FCN1: variants seen among roughly 807,000 people sequenced by gnomAD.
FCN1 encodes the protein ficolin 1.
In FCN1, 42 loss-of-function variants were observed where a neutral mutation model predicts 35.6. The observed-to-expected ratio is 1.18, with a 90% CI of 0.92 to 1.53. The LOEUF (loss-of-function observed/expected upper bound fraction) is 1.53, where lower values mean the gene tolerates loss of function less well. FCN1 is among the 40% of genes most tolerant of loss of function. FCN1 has a pLI of 0.00. For synonymous variants in FCN1, 179 were observed against 169.8 expected (o/e 1.05, Z -0.42); for missense variants, 439 against 428.4 (o/e 1.02, Z -0.22).
Position 134,912,185 on chromosome 9 carries a change from T to C in FCN1, c.598+301A>G, listed in dbSNP as rs766323918. The stretch of plus-strand genomic sequence containing the variant: ...TCAGAGGCAGATCAACAGCTGGAGA[T>C]GGGGGAAGGCTACCCCAAGCCCCAG... On this transcript the variant is annotated intron_variant, in intron 7 of 8. Transcript: ENST00000371806. 1.6e-4 allele frequency among the ~76,000 whole-genome samples: 25 copies of C among 152,140 alleles called. 1 individual carries two copies. The highest frequency in any genetic ancestry group is 6.8e-3 in the Middle Eastern group (2 of 294).
Position 134,909,573 on chromosome 9 carries a change from A to T in FCN1, c.*225T>A. The T allele has an allele frequency of 2.0e-6, 3 of 1,465,396 alleles. No individual in the cohort carries two copies. The highest frequency in any genetic ancestry group is 2.7e-6 in the Non-Finnish European group (3 of 1,101,392). The allele number at this position is 1,465,396 out of a possible 1,614,324, so 90.8% of individuals were successfully genotyped here. A position where few individuals can be genotyped will look rare whatever the true frequency, so the allele number is the denominator to read the frequency against. ...ACTGGTGTTCAAGAAACACACATTG[A>T]AACTGGTAAAACTTTTCTGTCCCAA... On this transcript the variant is annotated 3_prime_UTR_variant, in exon 9 of 9. Coordinates refer to ENST00000371806, the MANE Select transcript of FCN1 (RefSeq NM_002003.5).
At chr9:134,916,555 C>A in intron 1 of FCN1, 94 bp from the exon 2 acceptor site, 1 of 1,254,884 alleles carries the variant, frequency 8.0e-7, no homozygotes, top group Non-Finnish European at 1.2e-6. Flanking sequence ...TCTGTCCTCA[C>A]CCCTCAGGCA....
chr9:134,914,957 T>C (rs577172004), intron 2 of FCN1, 148 bp from the exon 3 acceptor site: 2 of 650,002 alleles, frequency 3.1e-6, no homozygotes, highest in African/African-American at 1.8e-5. Flanking sequence ...TTGCTAGCCA[T>C]GGATTTAGCC....
chr9:134,911,153 G>C lies in FCN1; in HGVS notation c.713C>G (p.Ala238Gly), dbSNP rs1564218226. The C allele has an allele frequency of 1.2e-6, 2 of 1,614,082 alleles. No homozygotes were observed. The highest frequency in any genetic ancestry group is 1.7e-6 in the Non-Finnish European group (2 of 1,180,004). The change falls in exon 8 of 9, where the codon GCC becomes GGC. Residue 238 changes from alanine to glycine, a missense_variant. Ala to Gly is a moderately conservative substitution (Grantham distance 60). Coordinates refer to ENST00000371806, the MANE Select transcript of FCN1 (RefSeq NM_002003.5). ...CTCACCCGCACTGCCCCCGACAAAGGCTCCCAGTACCAGCTTGTACTTCTC... is the reference window on the plus strand; with the variant it reads ...CTCACCCGCACTGCCCCCGACAAAGCCTCCCAGTACCAGCTTGTACTTCTC... Reference protein sequence around the residue: ...EAEKYKLVLGAFVGGSAGNSL... With the variant: ...EAEKYKLVLGGFVGGSAGNSL...
chr9:134,913,853 C>T (rs1476036984), intron 4 of FCN1, among the ~76,000 whole-genome samples: 2 of 152,208 alleles, frequency 1.3e-5, no homozygotes, highest in Non-Finnish European at 2.9e-5. Context: ...CTGTGGCAGG[C>T]GCTGCGGGTC....
In FCN1 at chr9:134,909,456, C is replaced by T. The variant is rs1212585526; in HGVS notation, c.*342G>A. ...CAACCTCCCTGAACATCGGTAGTGC[C>T]ATCTGCTAAATAAGGGTCCTGACTC... is the stretch of plus-strand genomic sequence containing the variant. On this transcript the variant is annotated 3_prime_UTR_variant, in exon 9 of 9. Coordinates refer to ENST00000371806, the MANE Select transcript of FCN1 (RefSeq NM_002003.5). The T allele has an allele frequency of 7.7e-7, 1 of 1,299,018 alleles. No individual in the cohort carries two copies. Among genetic ancestry groups the T allele is most frequent in the East Asian group, 5.3e-5 (1 of 18,988 alleles). The allele number at this position is 1,299,018 out of a possible 1,614,324, so 80.5% of individuals were successfully genotyped here.
chr9:134,916,648 C>T (rs1229936298), intron 1 of FCN1, among the ~76,000 whole-genome samples, 187 bp from the exon 2 acceptor site: 1 of 152,238 alleles, frequency 6.6e-6, no homozygotes, highest in African/African-American at 2.4e-5. Flanking sequence ...CTCCTCAGTG[C>T]TGTGTGTCCT....
chr9:134,904,073 G>A lies in FCN1; in HGVS notation c.*5725C>T, dbSNP rs546511054. On this transcript the variant is annotated 3_prime_UTR_variant, in exon 9 of 9. Transcript: ENST00000371806. ...TGGTGTAACTGAAATATCTGAAAGA[G>A]AAGAGGGAGTAGAGTAATAGCAATA... Among the ~76,000 whole-genome samples the A allele has an allele frequency of 1.6e-4, 24 of 152,306 alleles. No homozygotes were observed. The South Asian group carries it at 5.0e-3, about 32-fold the overall frequency.
rs1830945746 is a variant in FCN1 at position 134,905,870 on chromosome 9, TTC to T, written c.*3926_*3927del. On this transcript the variant is annotated 3_prime_UTR_variant, in exon 9 of 9. Coordinates refer to ENST00000371806, the MANE Select transcript of FCN1 (RefSeq NM_002003.5). Reference sequence around the variant, plus strand: ...CCTCTTCCTCTTCCTCTTCCTCTTCTTCTTCTTCTTCTTCTTCTTCTTCTTCT... The same window carrying T: ...CCTCTTCCTCTTCCTCTTCCTCTTCTTTCTTCTTCTTCTTCTTCTTCTTCT... 1 of 34,600 alleles carries T rather than the reference TTC, an allele frequency of 2.9e-5. No individual in the cohort carries two copies. The highest frequency in any genetic ancestry group is 6.5e-4 in the East Asian group (1 of 1,548). The allele number at this position is 34,600 out of a possible 1,614,324, so 2.1% of individuals were successfully genotyped here.
At chr9:134,912,726 G>T (rs773259854) in intron 6 of FCN1, 111 bp from the exon 7 acceptor site, 1 of 1,417,734 alleles carries the variant, frequency 7.1e-7, no homozygotes, top group East Asian at 2.3e-5. Context: ...ATCACAGGCC[G>T]GTGCCACACG....
At chr9:134,913,486 G>C (rs911150046) in intron 5 of FCN1, 95 bp downstream of exon 5, 10 of 973,920 alleles carry the variant, frequency 1.0e-5, no homozygotes, top group Non-Finnish European at 1.6e-5. Flanking sequence ...GTGCAGACAG[G>C]GTTCTGTCCT....
At position 134,905,632 on chromosome 9, in the gene FCN1, C is replaced by G. The variant is rs1303916950; in HGVS notation, c.*4166G>C. 6.6e-6 allele frequency among the ~76,000 whole-genome samples: 1 copy of G among 151,762 alleles called. No individual in the cohort carries two copies. Among genetic ancestry groups the G allele is most frequent in the Non-Finnish European group, 1.5e-5 (1 of 67,976 alleles). ...TCGAGTAGCTGGGACGATAGGCATC[C>G]CCCACCATGAACGGCTAATTTTTTT... is the stretch of plus-strand genomic sequence containing the variant. On this transcript the variant is annotated 3_prime_UTR_variant, in exon 9 of 9. Coordinates refer to ENST00000371806, the MANE Select transcript of FCN1 (RefSeq NM_002003.5).
chr9:134,916,323 G>T, intron 2 of FCN1, 25 bp downstream of exon 2: 1 of 1,561,168 alleles, frequency 6.4e-7, no homozygotes, highest in African/African-American at 1.4e-5. Context: ...GCCATGCCTG[G>T]CCTCCCCACC....
chr9:134,911,962 C>G (rs185090313), intron 7 of FCN1, among the ~76,000 whole-genome samples: 1 of 152,192 alleles, frequency 6.6e-6, no homozygotes, highest in Non-Finnish European at 1.5e-5. Flanking sequence ...TTCCTTCAAT[C>G]ATGCCACAGG....
chr9:134,915,107 C>T (rs1037762619), intron 2 of FCN1, among the ~76,000 whole-genome samples: 2 of 152,264 alleles, frequency 1.3e-5, no homozygotes, highest in African/African-American at 4.8e-5. Flanking sequence ...TAAGCCTGGA[C>T]CCAAGTCACC....
At chr9:134,911,614 A>T (rs1418435972) in intron 7 of FCN1, among the ~76,000 whole-genome samples, 1 of 151,548 alleles carries the variant, frequency 6.6e-6, no homozygotes, top group Non-Finnish European at 1.5e-5. Context: ...AGCCTCCCAA[A>T]ATGCTGGGAT....
Position 134,904,816 on chromosome 9 carries a change from TTGTC to T in FCN1, c.*4978_*4981del, listed in dbSNP as rs1197310381. 3.3e-5 allele frequency among the ~76,000 whole-genome samples: 5 copies of T among 151,268 alleles called. No individual in the cohort carries two copies. The highest frequency in any genetic ancestry group is 7.4e-5 in the Non-Finnish European group (5 of 67,824). On this transcript the variant is annotated 3_prime_UTR_variant, in exon 9 of 9. Transcript: ENST00000371806. Reference sequence around the variant, plus strand: ...ATAAAAAATATATATGAAAGGGAGTTTGTCAGGCAGCAAGAAGATGATCTCACAC... The same window carrying T: ...ATAAAAAATATATATGAAAGGGAGTTAGGCAGCAAGAAGATGATCTCACAC...
In FCN1 at chr9:134,909,403, G is replaced by T; in HGVS notation, c.*395C>A. ...GAGGATCGCCCTGTGTCAATTACTG[G>T]AGGTGGAAAATCCTCGCAAAAGTCA... On this transcript the variant is annotated 3_prime_UTR_variant, in exon 9 of 9. Coordinates refer to ENST00000371806, the MANE Select transcript of FCN1 (RefSeq NM_002003.5). The T allele has an allele frequency of 7.7e-7, 1 of 1,290,702 alleles. No homozygotes were observed. Among genetic ancestry groups the T allele is most frequent in the Non-Finnish European group, 1.0e-6 (1 of 989,326 alleles). 80.0% of individuals were successfully genotyped at this position (1,290,702 alleles called of 1,614,324 possible). A position where few individuals can be genotyped will look rare whatever the true frequency, so the allele number is the denominator to read the frequency against.
At chr9:134,912,992 G>A (rs776975763) in intron 6 of FCN1, 24 bp downstream of exon 6, 51 of 1,604,390 alleles carry the variant, frequency 3.2e-5, no homozygotes, top group Middle Eastern at 3.5e-4. Context: ...CAGGCTGACC[G>A]CCTCTGCCCA....
Sources: allele counts gnomAD v4.1 joint callset (sites outside exome capture counted in the v4.1 genomes callset), GRCh38; gene constraint gnomAD v4.1.1; transcripts MANE v1.5; gene names NCBI Gene and HGNC (gene_info 2026-07-23, HGNC 2026-07-21).